The following HAVCR2 variants were observed in gnomAD, a reference collection of about 807,000 sequenced individuals.
HAVCR2 encodes T cell immunoglobulin mucin 3.
Under a neutral mutation model 24.7 loss-of-function variants are expected in HAVCR2, and 13 were observed. The ratio of observed to expected loss-of-function variants is 0.53; its 90% confidence interval spans 0.34 to 0.84. The LOEUF (loss-of-function observed/expected upper bound fraction) is 0.84. Among genes scored for constraint, HAVCR2 ranks in the 40% least tolerant of loss-of-function variants. The probability of loss-of-function intolerance (pLI) is 0.01; values close to 1 mark genes in which losing one functional copy is unlikely to be tolerated. For synonymous variants in HAVCR2, 154 were observed against 143.4 expected (o/e 1.07, Z -0.53); for missense variants, 343 against 371.2 (o/e 0.92, Z 0.62).
chr5:157,101,771 A>ATTT (rs397797524), intron 3 of HAVCR2, among the ~76,000 whole-genome samples: 1 of 125,128 alleles, frequency 8.0e-6, no homozygotes. Context: ...GCTCTACTCC[A>ATTT]TTTTTTTTTT....
rs781765053 is a variant in HAVCR2, at chr5:157,104,726, G to A, written c.418C>T (p.Arg140Trp). The A allele has an allele frequency of 1.4e-5, 23 of 1,600,764 alleles. No homozygotes were observed. The highest frequency in any genetic ancestry group is 3.4e-5 in the Admixed American group (2 of 58,484). ...KPAKVTPAPT[R>W]QRDFTAAFPR... is the part of the protein sequence containing the mutation. ...AAGGCTGCAGTGAAGTCTCTCTGCC[G>A]AGTCGGTGCAGGGGTGACCTTGGCT... The change falls in exon 3 of 7, where the codon CGG becomes TGG. Residue 140 changes from arginine to tryptophan, a missense_variant. Arg to Trp is a moderately radical substitution (Grantham distance 101). Coordinates refer to ENST00000307851, the MANE Select transcript of HAVCR2 (RefSeq NM_032782.5).
chr5:157,093,644 C>T (rs1757045118), intron 5 of HAVCR2, among the ~76,000 whole-genome samples: 2 of 152,090 alleles, frequency 1.3e-5, no homozygotes, highest in African/African-American at 4.8e-5. Flanking sequence ...AAAATAGACA[C>T]AATTATAAAA....
intron 5 of HAVCR2, among the ~76,000 whole-genome samples, chr5:157,092,284 T>C (rs904671771): frequency 6.6e-6 from 1 of 151,676 alleles, no homozygotes; most frequent in Non-Finnish European, 1.5e-5. Context: ...TCCTTAACAA[T>C]CCCTAGTCTG....
intron 4 of HAVCR2, among the ~76,000 whole-genome samples, chr5:157,095,969 T>C (rs1286728516): frequency 2.6e-5 from 4 of 152,162 alleles, no homozygotes; most frequent in African/African-American, 9.7e-5. Flanking sequence ...CTAATGCCTG[T>C]AATCCCAGCA....
intron 4 of HAVCR2, among the ~76,000 whole-genome samples, chr5:157,097,561 C>A (rs1757109853): frequency 6.6e-6 from 1 of 151,444 alleles, no homozygotes; most frequent in Non-Finnish European, 1.5e-5. Flanking sequence ...TGCCCGGCCT[C>A]CTCAAAGAAT....
At chr5:157,087,318 T>G (rs1756927605) in intron 6 of HAVCR2, 24 bp from the exon 7 acceptor site, 1 of 1,585,790 alleles carries the variant, frequency 6.3e-7, no homozygotes, top group African/African-American at 1.4e-5. Flanking sequence ...GTGTTGCGGT[T>G]GAGTTAAGCA....
intron 5 of HAVCR2, among the ~76,000 whole-genome samples, chr5:157,094,869 C>A (rs1304791836): frequency 1.3e-5 from 2 of 152,100 alleles, no homozygotes; most frequent in Non-Finnish European, 2.9e-5. Context: ...CAGAAAAGTG[C>A]ACAGAAGGAA....
At chr5:157,108,614 A>G (rs1757285318) in intron 1 of HAVCR2, among the ~76,000 whole-genome samples, 1 of 152,212 alleles carries the variant, frequency 6.6e-6, no homozygotes, top group Non-Finnish European at 1.5e-5. Context: ...TACATTAAGA[A>G]ATGTCCACAT....
intron 6 of HAVCR2, 23 bp from the exon 7 acceptor site, chr5:157,087,317 T>C: frequency 1.3e-6 from 2 of 1,588,454 alleles, no homozygotes; most frequent in African/African-American, 1.4e-5. Flanking sequence ...AGTGTTGCGG[T>C]TGAGTTAAGC....
At chr5:157,089,127 G>A in intron 5 of HAVCR2, 150 bp from the exon 6 acceptor site, 2 of 645,614 alleles carry the variant, frequency 3.1e-6, no homozygotes, top group South Asian at 2.0e-5. Flanking sequence ...GTGTGCCTTA[G>A]ATAGTTATAT....
chr5:157,095,996 C>T (rs1009169070), intron 4 of HAVCR2, among the ~76,000 whole-genome samples: 1 of 152,062 alleles, frequency 6.6e-6, no homozygotes, highest in African/African-American at 2.4e-5. Flanking sequence ...GAGGCCTAGG[C>T]AGGCGGATCA....
chr5:157,093,376 C>T (rs574841144), intron 5 of HAVCR2, among the ~76,000 whole-genome samples: 51 of 152,056 alleles, frequency 3.4e-4, no homozygotes, highest in Admixed American at 2.1e-3. Context: ...AGGGTAGTTA[C>T]GAGAATTTAA....
At chr5:157,087,838 G>A (rs1756936771) in intron 6 of HAVCR2, among the ~76,000 whole-genome samples, 1 of 151,156 alleles carries the variant, frequency 6.6e-6, no homozygotes, top group Non-Finnish European at 1.5e-5. Flanking sequence ...GAGAAGCAGA[G>A]GTTATAGTGA....
chr5:157,094,242 C>T (rs1757059383), intron 5 of HAVCR2, among the ~76,000 whole-genome samples: 1 of 151,706 alleles, frequency 6.6e-6, no homozygotes, highest in African/African-American at 2.4e-5. Context: ...TCCTGCTTTG[C>T]TGCCCAGGCT....
rs542471272 is a variant in HAVCR2, at chr5:157,090,097, T to A, written c.677-1120A>T. On this transcript the variant is annotated intron_variant, in intron 5 of 6. Coordinates refer to ENST00000307851, the MANE Select transcript of HAVCR2 (RefSeq NM_032782.5). ...GGATGCAGTTTCAAAAATTTGAAAC[T>A]TAAAATTTTCCTTTCTTTTCTTTTC... Among the ~76,000 whole-genome samples the A allele has an allele frequency of 3.5e-3, 522 of 150,828 alleles. 1 individual carries two copies. Among genetic ancestry groups the A allele is most frequent in the Middle Eastern group, 0.01 (3 of 294 alleles).
At chr5:157,100,184 A>G (rs1221167629) in intron 3 of HAVCR2, among the ~76,000 whole-genome samples, 1 of 152,266 alleles carries the variant, frequency 6.6e-6, no homozygotes, top group Non-Finnish European at 1.5e-5. Flanking sequence ...ACGCTTCTAA[A>G]GTAGAGACTG....
rs1247691505 is a variant in HAVCR2 at position 157,086,272 on chromosome 5, A to G, written c.*830T>C. On this transcript the variant is annotated 3_prime_UTR_variant, in exon 7 of 7. Coordinates refer to ENST00000307851, the MANE Select transcript of HAVCR2 (RefSeq NM_032782.5). ...CACTGGCACTGACAGTTGGGCAGGC[A>G]GTGCTCAAATAAGCCTAAATCTCAA... The G allele has an allele frequency of 6.6e-6, 1 of 152,268 alleles. No individual in the cohort carries two copies. The highest frequency in any genetic ancestry group is 6.5e-5 in the Admixed American group (1 of 15,272). 9.4% of individuals were successfully genotyped at this position (152,268 alleles called of 1,614,324 possible).
At chr5:157,105,791 A>T (rs1163566951) in intron 2 of HAVCR2, among the ~76,000 whole-genome samples, 1 of 152,198 alleles carries the variant, frequency 6.6e-6, no homozygotes, top group Admixed American at 6.6e-5. Flanking sequence ...GGGTAAAATC[A>T]CCTGAGGTAG....
chr5:157,098,565 G>C (rs939913209), intron 4 of HAVCR2, among the ~76,000 whole-genome samples: 9 of 152,092 alleles, frequency 5.9e-5, no homozygotes, highest in African/African-American at 2.2e-4. Context: ...CCTTCCACAG[G>C]GTAGACAGTT....
Sources: allele counts gnomAD v4.1 joint callset (sites outside exome capture counted in the v4.1 genomes callset), GRCh38; gene constraint gnomAD v4.1.1; transcripts MANE v1.5; gene names NCBI Gene and HGNC (gene_info 2026-07-23, HGNC 2026-07-21).